The following DYNC2I1 variants were observed in gnomAD, a reference collection of about 807,000 sequenced individuals.
DYNC2I1 encodes the protein dynein 2 intermediate chain 1, also known as cytoplasmic dynein 2 intermediate chain 1.
A neutral mutation model predicts 133.4 loss-of-function variants in DYNC2I1; 89 were observed. That is an observed-to-expected ratio of 0.67 (90% CI 0.56 to 0.80). The LOEUF (loss-of-function observed/expected upper bound fraction) is 0.80. DYNC2I1 is among the 30% of genes least tolerant of loss of function. The pLI is 0.00. For synonymous variants in DYNC2I1, 504 were observed against 484.3 expected (o/e 1.04, Z -0.54); for missense variants, 1,291 against 1,314.5 (o/e 0.98, Z 0.28).
intron 21 of DYNC2I1, 44 bp from the exon 22 acceptor site, chr7:158,934,085 T>A (rs1318841568): frequency 6.7e-6 from 9 of 1,341,488 alleles, no homozygotes; most frequent in African/African-American, 3.2e-5. Context: ...ATTCTTAAGG[T>A]TGGAAACAGT....
chr7:158,927,911 A>G (rs1459600605), intron 20 of DYNC2I1, among the ~76,000 whole-genome samples: 1 of 152,172 alleles, frequency 6.6e-6, no homozygotes. Context: ...AGTACCATTC[A>G]GTTCTGTCAG....
intron 7 of DYNC2I1, among the ~76,000 whole-genome samples, chr7:158,889,080 CTTT>C (rs369814666): frequency 4.0e-5 from 5 of 126,078 alleles, no homozygotes; most frequent in Admixed American, 8.2e-5. Context: ...TCCTGTTTTT[CTTT>C]TTTTTTTTTT....
At chr7:158,889,920 C>T (rs1439002684) in intron 7 of DYNC2I1, among the ~76,000 whole-genome samples, 2 of 148,584 alleles carry the variant, frequency 1.3e-5, no homozygotes, top group East Asian at 2.1e-4. Context: ...GCAGGAAAAT[C>T]GCTTGAACCC....
At chr7:158,941,845 C>T (rs530149232) in intron 23 of DYNC2I1, 80 bp from the exon 24 acceptor site, 2 of 1,498,714 alleles carry the variant, frequency 1.3e-6, no homozygotes, top group Admixed American at 4.0e-5. Flanking sequence ...CCACTGCACT[C>T]CAGGCTGGGT....
At chr7:158,896,134 T>A (rs1188958) in intron 8 of DYNC2I1, among the ~76,000 whole-genome samples, 21,525 of 152,220 alleles carry the variant, frequency 0.14, 1,797 homozygotes, top group Middle Eastern at 0.23. Flanking sequence ...AGCATGATGC[T>A]GACACGGAGT....
At chr7:158,922,339 A>T (rs549654371) in intron 15 of DYNC2I1, 38 bp from the exon 16 acceptor site, 1 of 1,587,342 alleles carries the variant, frequency 6.3e-7, no homozygotes, top group African/African-American at 1.3e-5. Context: ...GGATTCTGGC[A>T]GGTCGTTGAA....
Position 158,856,672 on chromosome 7 carries a change from T to C in DYNC2I1, c.-64T>C. ...AAGGGTGCGGGGCACAGGTGGCCTC[T>C]TCGGGGTGGACCGCGCCTGGCCGGG... On this transcript the variant is annotated 5_prime_UTR_variant, in exon 1 of 25. Transcript: ENST00000407559. The C allele has an allele frequency of 8.1e-7, 1 of 1,231,150 alleles. No individual in the cohort carries two copies. Among genetic ancestry groups the C allele is most frequent in the East Asian group, 3.2e-5 (1 of 31,596 alleles). The allele number at this position is 1,231,150 out of a possible 1,614,324, so 76.3% of individuals were successfully genotyped here. A position where few individuals can be genotyped will look rare whatever the true frequency, so the allele number is the denominator to read the frequency against.
chr7:158,886,744 C>T (rs1332958278), intron 6 of DYNC2I1, among the ~76,000 whole-genome samples: 1 of 152,162 alleles, frequency 6.6e-6, no homozygotes, highest in Admixed American at 6.5e-5. Flanking sequence ...GCTGAGACTA[C>T]AGGCATGTGC....
chr7:158,862,521 A>C lies in DYNC2I1; in HGVS notation c.15+5771A>C, dbSNP rs1047421569. The stretch of plus-strand genomic sequence containing the variant: ...TGTTTGAGGATGGGAGTTCGAGGCC[A>C]GCCTGGGCAACATAGCAAGACCCTA... On this transcript the variant is annotated intron_variant, in intron 1 of 24. Transcript: ENST00000407559. Among the ~76,000 whole-genome samples the C allele has an allele frequency of 8.2e-5, 12 of 146,610 alleles. No individual in the cohort carries two copies. In the East Asian group the frequency reaches 2.6e-3, roughly 31 times the overall value.
chr7:158,853,273 A>G (rs1841095300), upstream of DYNC2I1, among the ~76,000 whole-genome samples: 1 of 152,228 alleles, frequency 6.6e-6, no homozygotes, highest in Non-Finnish European at 1.5e-5. Context: ...GGCCAAGGGC[A>G]TTCCAAACTT....
At chr7:158,847,986 A>G in the DYNC2I1 span, among the ~76,000 whole-genome samples, 1 of 152,250 alleles carries the variant, frequency 6.6e-6, no homozygotes, top group Non-Finnish European at 1.5e-5. Context: ...ATTGGACAGT[A>G]TCCAATGGAC....
intron 1 of DYNC2I1, among the ~76,000 whole-genome samples, chr7:158,860,507 T>C (rs1484452100): frequency 6.6e-6 from 1 of 152,244 alleles, no homozygotes; most frequent in Non-Finnish European, 1.5e-5. Context: ...GTCGTAGCTA[T>C]TGGAAAAAAC....
At chr7:158,904,963 A>G in intron 10 of DYNC2I1, 1 of 278,708 alleles carries the variant, frequency 3.6e-6, no homozygotes. Context: ...ACCAATATCC[A>G]AAAGGAATGA....
At chr7:158,930,321 T>C (rs1850092783) in intron 20 of DYNC2I1, 134 bp from the exon 21 acceptor site, 4 of 792,964 alleles carry the variant, frequency 5.0e-6, no homozygotes. Context: ...AGGGATGCTG[T>C]GTATTGATTT....
chr7:158,943,516 G>T (rs1851579431), intron 24 of DYNC2I1, among the ~76,000 whole-genome samples: 2 of 152,204 alleles, frequency 1.3e-5, no homozygotes, highest in South Asian at 2.1e-4. Context: ...TGGTCCTGTT[G>T]TGGGGACGTT....
chr7:158,902,763 T>C, intron 10 of DYNC2I1, 168 bp downstream of exon 10: 1 of 629,942 alleles, frequency 1.6e-6, no homozygotes, highest in South Asian at 2.1e-5. Flanking sequence ...AGGAGGCCCC[T>C]GAAGACTTGA....
chr7:158,930,410 A>G lies in DYNC2I1; in HGVS notation c.2486-45A>G, dbSNP rs1209062448. The G allele has an allele frequency of 2.0e-6, 3 of 1,537,890 alleles. No individual in the cohort carries two copies. In the Admixed American group the frequency reaches 5.4e-5, roughly 28 times the overall value. On this transcript the variant is annotated intron_variant, in intron 20 of 24. Coordinates refer to ENST00000407559, the MANE Select transcript of DYNC2I1 (RefSeq NM_018051.5). Reference sequence around the variant, plus strand: ...GGCAACTATAACTAGATTTTGATTTAGCTTCTATTGAAAGGTGCATTGATT... The same window carrying G: ...GGCAACTATAACTAGATTTTGATTTGGCTTCTATTGAAAGGTGCATTGATT...
intron 19 of DYNC2I1, among the ~76,000 whole-genome samples, chr7:158,926,664 AG>A (rs1332333781): frequency 6.6e-6 from 1 of 152,240 alleles, no homozygotes; most frequent in African/African-American, 2.4e-5. Context: ...ACAGTGAAAT[AG>A]GGACTCTCAC....
downstream of DYNC2I1, among the ~76,000 whole-genome samples, chr7:158,957,304 C>T (rs866614572): frequency 6.6e-6 from 1 of 152,230 alleles, no homozygotes; most frequent in African/African-American, 2.4e-5. Context: ...CTCCAGGTCC[C>T]GGCTGCTGGG....
Sources: allele counts gnomAD v4.1 joint callset (sites outside exome capture counted in the v4.1 genomes callset), GRCh38; gene constraint gnomAD v4.1.1; transcripts MANE v1.5; gene names NCBI Gene and HGNC (gene_info 2026-07-23, HGNC 2026-07-21).